C16orf86: variants seen among roughly 807,000 people sequenced by gnomAD.
C16orf86 encodes uncharacterized protein C16orf86.
Under a neutral mutation model 21.5 loss-of-function variants are expected in C16orf86, and 19 were observed. The ratio of observed to expected loss-of-function variants is 0.88; its 90% CI spans 0.62 to 1.30. C16orf86 has a LOEUF of 1.30. Ranked by LOEUF, C16orf86 falls within the 50% of genes most tolerant of loss-of-function variation. The pLI, the probability that C16orf86 is intolerant of heterozygous loss-of-function variation, is 0.00. For missense variants in C16orf86, 391 were observed against 415.8 expected (o/e 0.94, Z 0.52); for synonymous variants, 188 against 183.5 (o/e 1.02, Z -0.20).
chr16:67,668,411 A>G lies in C16orf86; in HGVS notation c.765A>G (p.Pro255=). 1.9e-6 allele frequency: 3 copies of G among 1,612,562 alleles called. No individual in the cohort carries two copies. Among genetic ancestry groups the G allele is most frequent in the Non-Finnish European group, 2.5e-6 (3 of 1,179,738 alleles). Residue 255 remains proline, a synonymous_variant, in exon 4 of 4, where the codon CCA becomes CCG. Transcript: ENST00000403458. ...GPGLALPCPS[P]LVTPTHALAP... The stretch of plus-strand genomic sequence containing the variant: ...GCCTCGCTTTGCCCTGTCCCAGTCC[A>G]CTAGTGACCCCCACCCATGCCCTGG...
In C16orf86 at chr16:67,667,865, G is replaced by T; in HGVS notation, c.333-13G>T. The T allele has an allele frequency of 6.4e-7, 1 of 1,553,206 alleles. No homozygotes were observed. The highest frequency in any genetic ancestry group is 8.7e-7 in the Non-Finnish European group (1 of 1,148,964). ...GGCTGGAGCCTGGCTCAAGTCTCTT[G>T]TCCCTGGCTCAGGTCTCTCAGCCTC... On this transcript the variant is annotated splice_polypyrimidine_tract_variant and intron_variant, in intron 2 of 3. Transcript: ENST00000403458.
In C16orf86 at chr16:67,668,420, C is replaced by T; in HGVS notation, c.774C>T (p.Thr258=). ...TGCCCTGTCCCAGTCCACTAGTGAC[C>T]CCCACCCATGCCCTGGCTCCCCTCG... ...LALPCPSPLV[T]PTHALAPLGE... Residue 258 remains threonine (T), a synonymous_variant, in exon 4 of 4, where the codon ACC becomes ACT. Transcript: ENST00000403458. 1.2e-6 allele frequency: 2 copies of T among 1,612,596 alleles called. No individual in the cohort carries two copies. The highest frequency in any genetic ancestry group is 1.7e-4 in the Middle Eastern group (1 of 6,060).
rs1169730925 is a variant in C16orf86, at chr16:67,667,074, T to C, written c.102+2T>C. ...CCCGGCAGCGCTCAGACCTCCGAGG[T>C]GACCGTCAGGCTGTTTAACCTTCAA... On this transcript the variant is annotated splice_donor_variant, in intron 1 of 3. Coordinates refer to ENST00000403458, the MANE Select transcript of C16orf86 (RefSeq NM_001012984.3). LOFTEE classifies it high-confidence loss of function. 1.4e-6 allele frequency: 2 copies of C among 1,453,856 alleles called. No homozygotes were observed. Among genetic ancestry groups the C allele is most frequent in the African/African-American group, 1.4e-5 (1 of 70,332 alleles). 90.1% of individuals were successfully genotyped at this position (1,453,856 alleles called of 1,614,324 possible).
Position 67,667,058 on chromosome 16 carries a change from G to C in C16orf86, c.88G>C (p.Ala30Pro). The C allele has an allele frequency of 6.9e-7, 1 of 1,453,736 alleles. No homozygotes were observed. The highest frequency in any genetic ancestry group is 9.0e-7 in the Non-Finnish European group (1 of 1,107,508). The allele number at this position is 1,453,736 out of a possible 1,614,324, so 90.1% of individuals were successfully genotyped here. Residue 30 changes from alanine to proline, a missense_variant, in exon 1 of 4, where the codon GCT (alanine) becomes CCT (proline). Transcript: ENST00000403458. ...QGQLTEEPGS[A>P]QTSECPVAGD... is the part of the protein sequence containing the mutation. ...ACAGCTCACGGAGGAGCCCGGCAGC[G>C]CTCAGACCTCCGAGGTGACCGTCAG...
rs757148189 is a variant in C16orf86 at position 67,668,049 on chromosome 16, C to T, written c.504C>T (p.His168=). 2.2e-5 allele frequency: 35 copies of T among 1,612,776 alleles called. 1 individual carries two copies. The South Asian group carries it at 2.6e-4, about 12-fold the overall frequency. Residue 168 remains histidine (H), a synonymous_variant, in exon 3 of 4, where the codon CAC becomes CAT. Transcript: ENST00000403458. ...KRKSLGAPVL[H]AVASMVSAPL... ...AGAGCCTGGGGGCTCCCGTGCTCCA[C>T]GCTGTGGCCAGCATGGTGTCTGCAC...
chr16:67,668,683 C>T lies in C16orf86; in HGVS notation c.*83C>T, dbSNP rs1014651287. 3.0e-5 allele frequency: 40 copies of T among 1,343,476 alleles called. No individual in the cohort carries two copies. The highest frequency in any genetic ancestry group is 2.4e-5 in the East Asian group (1 of 42,026). 83.2% of individuals were successfully genotyped at this position (1,343,476 alleles called of 1,614,324 possible). On this transcript the variant is annotated 3_prime_UTR_variant, in exon 4 of 4. Coordinates refer to ENST00000403458, the MANE Select transcript of C16orf86 (RefSeq NM_001012984.3). ...CCTGTGGGCCTAGGCCCTCTGGTGGCGGGGGCAAATTTGGCACCTGCCCCC... is the reference window on the plus strand; with the variant it reads ...CCTGTGGGCCTAGGCCCTCTGGTGGTGGGGGCAAATTTGGCACCTGCCCCC...
Position 67,668,708 on chromosome 16 carries a change from C to T in C16orf86, c.*108C>T, listed in dbSNP as rs1253762146. Reference sequence around the variant, plus strand: ...CGGGGGCAAATTTGGCACCTGCCCCCACTTGGGACTTTGGTCTTGCTGAAA... The same window carrying T: ...CGGGGGCAAATTTGGCACCTGCCCCTACTTGGGACTTTGGTCTTGCTGAAA... On this transcript the variant is annotated 3_prime_UTR_variant, in exon 4 of 4. Transcript: ENST00000403458. 2 of 849,184 alleles carry T rather than the reference C, an allele frequency of 2.4e-6. No individual in the cohort carries two copies. Among genetic ancestry groups the T allele is most frequent in the East Asian group, 2.6e-5 (1 of 39,022 alleles). 52.6% of individuals were successfully genotyped at this position (849,184 alleles called of 1,614,324 possible). A position where few individuals can be genotyped will look rare whatever the true frequency, so the allele number is the denominator to read the frequency against.
At chr16:67,668,164 G>C (rs1345773640) in intron 3 of C16orf86, 36 bp from the exon 4 acceptor site, 3 of 1,586,462 alleles carry the variant, frequency 1.9e-6, no homozygotes, top group Admixed American at 3.5e-5. Context: ...GCACAACCTG[G>C]CGCTCTAGCC....
In C16orf86 at chr16:67,666,881, G is replaced by A; in HGVS notation, c.-90G>A. On this transcript the variant is annotated 5_prime_UTR_variant, in exon 1 of 4. Transcript: ENST00000403458. Reference sequence around the variant, plus strand: ...TTCCCAGCTCTGCCCTCGCTTGCTGGCCGGTCTCCGGGGTCAGCGCGGGGC... The same window carrying A: ...TTCCCAGCTCTGCCCTCGCTTGCTGACCGGTCTCCGGGGTCAGCGCGGGGC... 1 of 881,766 alleles carries A rather than the reference G, an allele frequency of 1.1e-6. No individual in the cohort carries two copies. 54.6% of individuals were successfully genotyped at this position (881,766 alleles called of 1,614,324 possible). A position where few individuals can be genotyped will look rare whatever the true frequency, so the allele number is the denominator to read the frequency against.
chr16:67,667,181 G>A (rs756948784), intron 1 of C16orf86, 109 bp downstream of exon 1: 23 of 1,418,932 alleles, frequency 1.6e-5, no homozygotes, highest in Non-Finnish European at 9.7e-7. Flanking sequence ...AGGCGGGGAG[G>A]GGCACAGGCT....
chr16:67,668,271 A>T lies in C16orf86; in HGVS notation c.625A>T (p.Lys209Ter). 6.2e-7 allele frequency: 1 copy of T among 1,609,502 alleles called. No individual in the cohort carries two copies. The highest frequency in any genetic ancestry group is 1.1e-5 in the South Asian group (1 of 90,546). Reference protein sequence around the residue: ...YCNPELNQAGKGDGEAEVEAE... With the variant: ...YCNPELNQAG The stretch of plus-strand genomic sequence containing the variant: ...CAACCCTGAGCTGAACCAGGCAGGG[A>T]AGGGGGACGGGGAGGCTGAGGTGGA... Residue 209 changes from lysine (K) to a stop codon, truncating the protein, a stop_gained, in exon 4 of 4, where the codon AAG becomes TAG. Transcript: ENST00000403458. LOFTEE classifies it low-confidence loss of function (END_TRUNC).
chr16:67,668,302 A>G lies in C16orf86; in HGVS notation c.656A>G (p.Glu219Gly), dbSNP rs558017611. The change falls in exon 4 of 4, where the codon GAG (glutamate) becomes GGG (glycine). Residue 219 changes from glutamate (E) to glycine (G), a missense_variant. Coordinates refer to ENST00000403458, the MANE Select transcript of C16orf86 (RefSeq NM_001012984.3). ...KGDGEAEVEA[E>G]AELAPVPEEG... Reference sequence around the variant, plus strand: ...GACGGGGAGGCTGAGGTGGAGGCAGAGGCAGAGCTGGCCCCGGTTCCCGAG... The same window carrying G: ...GACGGGGAGGCTGAGGTGGAGGCAGGGGCAGAGCTGGCCCCGGTTCCCGAG... 1 of 1,612,310 alleles carries G rather than the reference A, an allele frequency of 6.2e-7. No homozygotes were observed. Among genetic ancestry groups the G allele is most frequent in the Admixed American group, 1.7e-5 (1 of 59,948 alleles).
At position 67,667,907 on chromosome 16, in the gene C16orf86, A is replaced by C. The variant is rs2053126500; in HGVS notation, c.362A>C (p.His121Pro). 1.2e-6 allele frequency: 2 copies of C among 1,609,890 alleles called. No individual in the cohort carries two copies. Among genetic ancestry groups the C allele is most frequent in the Non-Finnish European group, 1.7e-6 (2 of 1,178,432 alleles). ...KSLSLPGLRA[H>P]LKAEAELPPK... ...CTCAGCCTCCCGGGCCTTCGTGCCCATCTTAAGGCTGAAGCTGAGCTGCCA... is the reference window on the plus strand; with the variant it reads ...CTCAGCCTCCCGGGCCTTCGTGCCCCTCTTAAGGCTGAAGCTGAGCTGCCA... Residue 121 changes from histidine to proline, a missense_variant, in exon 3 of 4, where the codon CAT (histidine) becomes CCT (proline). Coordinates refer to ENST00000403458, the MANE Select transcript of C16orf86 (RefSeq NM_001012984.3).
chr16:67,667,046 G>C lies in C16orf86; in HGVS notation c.76G>C (p.Glu26Gln). 1 of 1,453,372 alleles carries C rather than the reference G, an allele frequency of 6.9e-7. No homozygotes were observed. The highest frequency in any genetic ancestry group is 9.0e-7 in the Non-Finnish European group (1 of 1,108,300). The allele number at this position is 1,453,372 out of a possible 1,614,324, so 90.0% of individuals were successfully genotyped here. A position where few individuals can be genotyped will look rare whatever the true frequency, so the allele number is the denominator to read the frequency against. Residue 26 changes from glutamate to glutamine, a missense_variant, in exon 1 of 4, where the codon GAG becomes CAG. Coordinates refer to ENST00000403458, the MANE Select transcript of C16orf86 (RefSeq NM_001012984.3). ...CGTGGGGCAGGGACAGCTCACGGAG[G>C]AGCCCGGCAGCGCTCAGACCTCCGA... is the stretch of plus-strand genomic sequence containing the variant. ...TVVGQGQLTE[E>Q]PGSAQTSECP...
Position 67,668,402 on chromosome 16 carries a change from T to C in C16orf86, c.756T>C (p.Cys252=). ...GELGPGLALP[C]PSPLVTPTHA... is the part of the protein sequence containing the mutation. ...TGGGCCCAGGCCTCGCTTTGCCCTGTCCCAGTCCACTAGTGACCCCCACCC... is the reference window on the plus strand; with the variant it reads ...TGGGCCCAGGCCTCGCTTTGCCCTGCCCCAGTCCACTAGTGACCCCCACCC... The change falls in exon 4 of 4, where the codon TGT becomes TGC. Residue 252 remains cysteine (C), a synonymous_variant. Transcript: ENST00000403458. 6.2e-7 allele frequency: 1 copy of C among 1,612,308 alleles called. No individual in the cohort carries two copies. Among genetic ancestry groups the C allele is most frequent in the Non-Finnish European group, 8.5e-7 (1 of 1,179,688 alleles).
chr16:67,668,746 C>G lies in C16orf86; in HGVS notation c.*146C>G. On this transcript the variant is annotated 3_prime_UTR_variant, in exon 4 of 4. Coordinates refer to ENST00000403458, the MANE Select transcript of C16orf86 (RefSeq NM_001012984.3). ...GGTCTTGCTGAAAATAAATATTTTT[C>G]TTTTTCAAAGACTTTGTGATTCCCC... is the stretch of plus-strand genomic sequence containing the variant. 1 of 673,840 alleles carries G rather than the reference C, an allele frequency of 1.5e-6. No individual in the cohort carries two copies. The highest frequency in any genetic ancestry group is 2.5e-6 in the Non-Finnish European group (1 of 399,670). The allele number at this position is 673,840 out of a possible 1,614,324, so 41.7% of individuals were successfully genotyped here.
intron 3 of C16orf86, 50 bp downstream of exon 3, chr16:67,668,148 G>C (rs759770527): frequency 6.3e-7 from 1 of 1,593,460 alleles, no homozygotes; most frequent in Non-Finnish European, 8.6e-7. Context: ...TGTGGGGCCC[G>C]ACATGGCACA....
At chr16:67,667,204 C>T (rs1363846681) in intron 1 of C16orf86, 92 bp from the exon 2 acceptor site, 3 of 1,452,434 alleles carry the variant, frequency 2.1e-6, no homozygotes, top group Non-Finnish European at 2.8e-6. Flanking sequence ...TGTCCTTATT[C>T]CCGTTTCGGT....
Position 67,667,492 on chromosome 16 carries a change from G to A in C16orf86, c.299G>A (p.Arg100Lys), listed in dbSNP as rs753188264. 6.0e-5 allele frequency: 97 copies of A among 1,608,238 alleles called. No individual in the cohort carries two copies. Among genetic ancestry groups the A allele is most frequent in the Non-Finnish European group, 8.0e-5 (94 of 1,177,746 alleles). Residue 100 changes from arginine to lysine, a missense_variant, in exon 2 of 4, where the codon AGG becomes AAG. By Grantham distance (26) the Arg-to-Lys change is conservative. Coordinates refer to ENST00000403458, the MANE Select transcript of C16orf86 (RefSeq NM_001012984.3). ...CCCAGGCCCGTGGTCTCCATTGTGA[G>A]GCCCCGTCATGGTCCAAAGAGAAAG... is the stretch of plus-strand genomic sequence containing the variant. ...RGPRPVVSIV[R>K]PRHGPKRKPV...
Sources: allele counts gnomAD v4.1 joint callset, GRCh38; gene constraint gnomAD v4.1.1; transcripts MANE v1.5; gene names NCBI Gene and HGNC (gene_info 2026-07-23, HGNC 2026-07-21).